The following LCN12 variants were observed in gnomAD, a reference collection of about 807,000 sequenced individuals.
LCN12 encodes lipocalin 12.
Under a neutral mutation model 23.7 loss-of-function variants are expected in LCN12, and 15 were observed. The observed-to-expected ratio is 0.63, with a 90% CI of 0.42 to 0.97. The LOEUF (loss-of-function observed/expected upper bound fraction) is 0.97. Among genes scored for constraint, LCN12 ranks in the 50% least tolerant of loss-of-function variants. LCN12 has a pLI of 0.00. For missense variants in LCN12, 219 were observed against 249.6 expected (o/e 0.88, Z 0.83); for synonymous variants, 116 against 111.5 (o/e 1.04, Z -0.25).
upstream of LCN12, among the ~76,000 whole-genome samples, chr9:136,950,971 T>TCTGGGGTGGGAGGGGGC (rs1851138277): frequency 2.0e-5 from 3 of 146,538 alleles, no homozygotes; most frequent in Non-Finnish European, 3.0e-5. Flanking sequence ...GGGGAGGAGG[T>TCTGGGGTGGGAGGGGGC]GGCCAGGACA....
intron 5 of LCN12, 152 bp from the exon 6 acceptor site, chr9:136,955,219 C>A (rs1588477325): frequency 1.4e-6 from 2 of 1,442,770 alleles, no homozygotes; most frequent in South Asian, 3.0e-5. Context: ...TCACCCCAGC[C>A]CCTTCCCCTA....
chr9:136,954,499 T>C (rs1442251460), intron 5 of LCN12: 1 of 552,990 alleles, frequency 1.8e-6, no homozygotes, highest in African/African-American at 2.0e-5. Flanking sequence ...CCGGGCCACC[T>C]CCTCCCGCCC....
At chr9:136,951,814 T>C (rs759547683), upstream of LCN12, among the ~76,000 whole-genome samples, 8 of 151,646 alleles carry the variant, frequency 5.3e-5, no homozygotes, top group Non-Finnish European at 1.2e-4. Flanking sequence ...GGTTCAGGCA[T>C]GTGTGGAGCC....
chr9:136,954,991 C>T (rs566718214), intron 5 of LCN12: 22 of 1,333,896 alleles, frequency 1.6e-5, no homozygotes, highest in Admixed American at 1.3e-4. Context: ...CTTACACACA[C>T]GCCACTCACA....
chr9:136,949,913 TC>T (rs1280291607), upstream of LCN12, among the ~76,000 whole-genome samples: 2 of 151,894 alleles, frequency 1.3e-5, no homozygotes, highest in African/African-American at 4.8e-5. Flanking sequence ...GCACGCAAGC[TC>T]CCGGGCACCG....
chr9:136,954,055 T>C, intron 4 of LCN12, 91 bp downstream of exon 4: 1 of 1,539,782 alleles, frequency 6.5e-7, no homozygotes, highest in Non-Finnish European at 8.7e-7. Flanking sequence ...CCACCCCGCC[T>C]GGAGTGACTT....
chr9:136,953,359 CA>C, intron 2 of LCN12: 2 of 92,640 alleles, frequency 2.2e-5, no homozygotes, highest in Admixed American at 1.3e-4. Context: ...GTAATCCTAG[CA>C]CTTTGGGGGC....
intron 5 of LCN12, 150 bp downstream of exon 5, chr9:136,954,405 G>A: frequency 1.0e-6 from 1 of 954,654 alleles, no homozygotes; most frequent in Non-Finnish European, 1.6e-6. Flanking sequence ...CTGGGTCCCT[G>A]TGCTCAACCC....
rs371529995 is a variant in LCN12 at position 136,952,372 on chromosome 9, A to G, written c.45A>G (p.Lys15=). 42 of 1,612,082 alleles carry G rather than the reference A, an allele frequency of 2.6e-5. No individual in the cohort carries two copies. Among genetic ancestry groups the G allele is most frequent in the Non-Finnish European group, 3.4e-5 (40 of 1,179,528 alleles). ...TGTGGCTGTGGCTCTCCTTGCTGAA[A>G]GTCCTGCAGGCCCAGACCCCAACCC... ...CGLWLWLSLL[K]VLQAQTPTPL... The change falls in exon 1 of 6, where the codon AAA becomes AAG. Residue 15 remains lysine (K), a synonymous_variant. Transcript: ENST00000371633.
chr9:136,953,575 A>G lies in LCN12; in HGVS notation c.252-125A>G, dbSNP rs933048742. 1.9e-5 allele frequency: 12 copies of G among 644,552 alleles called. No homozygotes were observed. In the Admixed American group the frequency reaches 3.3e-4, roughly 18 times the overall value. The allele number at this position is 644,552 out of a possible 1,614,324, so 39.9% of individuals were successfully genotyped here. A position where few individuals can be genotyped will look rare whatever the true frequency, so the allele number is the denominator to read the frequency against. On this transcript the variant is annotated intron_variant, in intron 2 of 5. Coordinates refer to ENST00000371633, the MANE Select transcript of LCN12 (RefSeq NM_178536.4). Reference sequence around the variant, plus strand: ...ACATAGTTAGACACCATCTCCACTCATGACGCTTGGCCACTCCCGCCGTGG... The same window carrying G: ...ACATAGTTAGACACCATCTCCACTCGTGACGCTTGGCCACTCCCGCCGTGG...
chr9:136,952,763 C>T (rs983586195), intron 1 of LCN12, 129 bp from the exon 2 acceptor site: 8 of 1,108,320 alleles, frequency 7.2e-6, no homozygotes, highest in South Asian at 1.5e-5. Flanking sequence ...GTGTCCCTGG[C>T]GCCGGCCCAG....
At chr9:136,951,724 G>A (rs1236449111), upstream of LCN12, among the ~76,000 whole-genome samples, 4 of 152,216 alleles carry the variant, frequency 2.6e-5, no homozygotes, top group African/African-American at 7.2e-5. Flanking sequence ...TCGCCTGCTC[G>A]GGCCACCTCC....
intron 5 of LCN12, 143 bp downstream of exon 5, chr9:136,954,398 G>A: frequency 1.0e-6 from 1 of 991,448 alleles, no homozygotes; most frequent in Non-Finnish European, 1.6e-6. Context: ...CAGGCTCCTG[G>A]GTCCCTGTGC....
chr9:136,951,430 T>C (rs1306291884), upstream of LCN12: 1 of 152,190 alleles, frequency 6.6e-6, no homozygotes. Flanking sequence ...ACTTTTAAAT[T>C]TTTTTGTAGA....
intron 2 of LCN12, 175 bp downstream of exon 2, chr9:136,953,203 C>A (rs1378892104): frequency 1.2e-6 from 1 of 814,244 alleles, no homozygotes; most frequent in Non-Finnish European, 1.9e-6. Flanking sequence ...GGCAGCTGGG[C>A]GCGCTGGCTC....
At chr9:136,950,097 G>C (rs905995414), upstream of LCN12, among the ~76,000 whole-genome samples, 1 of 152,186 alleles carries the variant, frequency 6.6e-6, no homozygotes, top group African/African-American at 2.4e-5. Flanking sequence ...CGCCGGCCCA[G>C]CCAGGCAAAG....
intron 1 of LCN12, 36 bp downstream of exon 1, chr9:136,952,477 T>C: frequency 7.0e-7 from 1 of 1,428,064 alleles, no homozygotes; most frequent in Non-Finnish European, 9.8e-7. Context: ...AGCAGCCGGC[T>C]GGGTCTGAGT....
At chr9:136,954,814 G>A (rs933269224) in intron 5 of LCN12, 41 of 1,284,622 alleles carry the variant, frequency 3.2e-5, no homozygotes, top group South Asian at 6.2e-5. Context: ...GACTCTTCTT[G>A]TGGGAGGGCG....
At chr9:136,951,669 C>T (rs2131373552), upstream of LCN12, among the ~76,000 whole-genome samples, 1 of 152,368 alleles carries the variant, frequency 6.6e-6, no homozygotes. Context: ...CCCCAGCTGT[C>T]CTCACCAGGT....
Sources: allele counts gnomAD v4.1 joint callset (sites outside exome capture counted in the v4.1 genomes callset), GRCh38; gene constraint gnomAD v4.1.1; transcripts MANE v1.5; gene names NCBI Gene and HGNC (gene_info 2026-07-23, HGNC 2026-07-21).